DNAJB14: variants seen among roughly 807,000 people sequenced by gnomAD.
The protein encoded by DNAJB14 is dnaJ homolog subfamily B member 14.
In DNAJB14, 22 loss-of-function variants were observed where a neutral mutation model predicts 48.4. The observed-to-expected ratio is 0.45, with a 90% CI of 0.32 to 0.65. DNAJB14 has a LOEUF of 0.65. Ranked by LOEUF, DNAJB14 falls within the 30% of genes least tolerant of loss-of-function variation. The pLI is 0.03. For synonymous variants in DNAJB14, 142 were observed against 158.7 expected (o/e 0.89, Z 0.79); for missense variants, 319 against 458.8 (o/e 0.70, Z 2.78).
rs1725201281 is a variant in DNAJB14, at chr4:99,898,662, T to C, written c.*2366A>G. 1 of 151,896 alleles carries C rather than the reference T, an allele frequency of 6.6e-6. No individual in the cohort carries two copies. Among genetic ancestry groups the C allele is most frequent in the South Asian group, 2.1e-4 (1 of 4,828 alleles). The allele number at this position is 151,896 out of a possible 1,614,324, so 9.4% of individuals were successfully genotyped here. A position where few individuals can be genotyped will look rare whatever the true frequency, so the allele number is the denominator to read the frequency against. ...TGCTGCTAAACTGTTAGAATACCAG[T>C]TAGAGGAGCTAATAAAGCAATATTC... On this transcript the variant is annotated 3_prime_UTR_variant, in exon 8 of 8. Coordinates refer to ENST00000442697, the MANE Select transcript of DNAJB14 (RefSeq NM_001031723.4).
rs191323330 is a variant in DNAJB14, at chr4:99,907,375, A to G, written c.638-764T>C. Among the ~76,000 whole-genome samples the G allele has an allele frequency of 8.5e-3, 1,291 of 152,262 alleles. 11 individuals carry two copies. Among genetic ancestry groups the G allele is most frequent in the African/African-American group, 0.029 (1,189 of 41,544 alleles). On this transcript the variant is annotated intron_variant, in intron 4 of 7. Transcript: ENST00000442697. The stretch of plus-strand genomic sequence containing the variant: ...AGGATGCTTTGCAAAACGTCCTATC[A>G]ATGACCACAACCTTGCCAGGCATGG...
At chr4:99,928,655 T>C (rs936449411) in intron 2 of DNAJB14, 3 of 422,752 alleles carry the variant, frequency 7.1e-6, no homozygotes, top group African/African-American at 4.1e-5. Flanking sequence ...CTTTTTAAAA[T>C]AACACCAGAT....
intron 1 of DNAJB14, among the ~76,000 whole-genome samples, chr4:99,932,036 G>A (rs952955635): frequency 2.0e-5 from 3 of 152,010 alleles, no homozygotes; most frequent in African/African-American, 7.2e-5. Flanking sequence ...AATGGATCAT[G>A]AATCTAAGTG....
chr4:99,907,043 T>G (rs899602468), intron 4 of DNAJB14, among the ~76,000 whole-genome samples: 1 of 152,216 alleles, frequency 6.6e-6, no homozygotes, highest in African/African-American at 2.4e-5. Flanking sequence ...ATAATATATC[T>G]TGGTATAGAT....
At chr4:99,921,360 C>A (rs963953244) in intron 3 of DNAJB14, among the ~76,000 whole-genome samples, 1 of 152,166 alleles carries the variant, frequency 6.6e-6, no homozygotes, top group Admixed American at 6.5e-5. Flanking sequence ...GAAAGTGTAA[C>A]CAGTTTTGTA....
chr4:99,924,631 G>T, intron 2 of DNAJB14: 1 of 1,154,140 alleles, frequency 8.7e-7, no homozygotes, highest in Non-Finnish European at 1.2e-6. Flanking sequence ...AGTGTTCTAG[G>T]CATTTGACAT....
intron 7 of DNAJB14, 122 bp from the exon 8 acceptor site, chr4:99,901,274 C>A: frequency 3.2e-6 from 3 of 932,698 alleles, no homozygotes; most frequent in South Asian, 4.9e-5. Flanking sequence ...TAAAAAAAAT[C>A]AAAGTACAAT....
Position 99,899,693 on chromosome 4 carries a change from C to T in DNAJB14, c.*1335G>A, listed in dbSNP as rs1044044. Reference sequence around the variant, plus strand: ...AAAGATATGTTTATGTTCCATTAACCGAGTATGAAGCAAAATCATTAAAAT... The same window carrying T: ...AAAGATATGTTTATGTTCCATTAACTGAGTATGAAGCAAAATCATTAAAAT... On this transcript the variant is annotated 3_prime_UTR_variant, in exon 8 of 8. Coordinates refer to ENST00000442697, the MANE Select transcript of DNAJB14 (RefSeq NM_001031723.4). 37,368 of 151,968 alleles carry T rather than the reference C, an allele frequency of 0.25. 4,728 individuals are homozygous for T. Among genetic ancestry groups the T allele is most frequent in the African/African-American group, 0.29 (12,170 of 41,382 alleles). 9.4% of individuals were successfully genotyped at this position (151,968 alleles called of 1,614,324 possible). A position where few individuals can be genotyped will look rare whatever the true frequency, so the allele number is the denominator to read the frequency against.
At chr4:99,901,258 C>T (rs1725286516) in intron 7 of DNAJB14, 106 bp from the exon 8 acceptor site, 2 of 1,023,990 alleles carry the variant, frequency 2.0e-6, no homozygotes. Flanking sequence ...TTTTGATTAA[C>T]TGACTTAAAA....
chr4:99,946,267 TGGGGCCAGGGCG>T (rs1727069422), intron 1 of DNAJB14, among the ~76,000 whole-genome samples, 160 bp downstream of exon 1: 1 of 152,006 alleles, frequency 6.6e-6, no homozygotes, highest in Non-Finnish European at 1.5e-5. Flanking sequence ...GAGCCGGGGC[TGGGGCCAGGGCG>T]GGGGTGTGTC....
At chr4:99,944,263 T>C (rs1389019526) in intron 1 of DNAJB14, among the ~76,000 whole-genome samples, 1 of 152,128 alleles carries the variant, frequency 6.6e-6, no homozygotes, top group Non-Finnish European at 1.5e-5. Context: ...TTGGCAAGGA[T>C]GGTGAGAAAC....
chr4:99,901,217 A>C, intron 7 of DNAJB14, 65 bp from the exon 8 acceptor site: 145 of 1,394,446 alleles, frequency 1.0e-4, no homozygotes, highest in Non-Finnish European at 1.2e-4. Context: ...GCTTAAGCTC[A>C]AGTGATGCTT....
At chr4:99,937,923 TAAAAAAA>T (rs373465440) in intron 1 of DNAJB14, among the ~76,000 whole-genome samples, 1,217 of 119,938 alleles carry the variant, frequency 0.01, 8 homozygotes, top group Non-Finnish European at 0.014. Context: ...TCTATTTATT[TAAAAAAA>T]AAAAAAAAAA....
intron 3 of DNAJB14, among the ~76,000 whole-genome samples, chr4:99,912,778 C>T (rs561830904): frequency 5.9e-5 from 9 of 152,240 alleles, no homozygotes; most frequent in Admixed American, 5.2e-4. Flanking sequence ...CGTGCCCAGC[C>T]GACTTGACAT....
At chr4:99,932,939 G>A (rs145611382) in intron 1 of DNAJB14, among the ~76,000 whole-genome samples, 5 of 152,252 alleles carry the variant, frequency 3.3e-5, no homozygotes, top group Admixed American at 2.6e-4. Context: ...AAATCTACAG[G>A]GACAGAAAGT....
intron 3 of DNAJB14, among the ~76,000 whole-genome samples, chr4:99,913,468 A>T (rs1044711351): frequency 2.0e-5 from 3 of 152,052 alleles, no homozygotes; most frequent in Non-Finnish European, 4.4e-5. Flanking sequence ...AATGTGGTGG[A>T]TTACACTTAT....
chr4:99,903,791 T>G lies in DNAJB14; in HGVS notation c.950A>C (p.Glu317Ala), dbSNP rs1725375950. 25 of 1,612,884 alleles carry G rather than the reference T, an allele frequency of 1.6e-5. No homozygotes were observed. Among genetic ancestry groups the G allele is most frequent in the Non-Finnish European group, 2.0e-5 (23 of 1,179,430 alleles). Residue 317 changes from glutamate (E) to alanine (A), a missense_variant, in exon 7 of 8, where the codon GAA becomes GCA. Coordinates refer to ENST00000442697, the MANE Select transcript of DNAJB14 (RefSeq NM_001031723.4). ...CACATAATCTTCCTCCACACTCTTT[T>G]CTACCTTTTGTAATAACATTCCTTT... ...EYKGMLLQKV[E>A]KSVEEDYVTN...
chr4:99,919,512 A>G (rs1725976194), intron 3 of DNAJB14, among the ~76,000 whole-genome samples: 1 of 152,148 alleles, frequency 6.6e-6, no homozygotes, highest in Non-Finnish European at 1.5e-5. Flanking sequence ...TGAACCCGAG[A>G]GGCAGAGGTT....
At position 99,900,156 on chromosome 4, in the gene DNAJB14, A is replaced by G. The variant is rs376663041; in HGVS notation, c.*872T>C. The G allele has an allele frequency of 6.6e-5, 10 of 152,458 alleles. No homozygotes were observed. In the South Asian group the frequency reaches 2.1e-3, roughly 32 times the overall value. The allele number at this position is 152,458 out of a possible 1,614,324, so 9.4% of individuals were successfully genotyped here. A position where few individuals can be genotyped will look rare whatever the true frequency, so the allele number is the denominator to read the frequency against. On this transcript the variant is annotated 3_prime_UTR_variant, in exon 8 of 8. Coordinates refer to ENST00000442697, the MANE Select transcript of DNAJB14 (RefSeq NM_001031723.4). ...AAGAAACTGCAAATTTCTATGGGGGAAAATGTGAGTCCTCTTCATAAATTT... is the reference window on the plus strand; with the variant it reads ...AAGAAACTGCAAATTTCTATGGGGGGAAATGTGAGTCCTCTTCATAAATTT...
Sources: allele counts gnomAD v4.1 joint callset (sites outside exome capture counted in the v4.1 genomes callset), GRCh38; gene constraint gnomAD v4.1.1; transcripts MANE v1.5; gene names NCBI Gene and HGNC (gene_info 2026-07-23, HGNC 2026-07-21).